HS6ST3: variants seen among roughly 807,000 people sequenced by gnomAD.
HS6ST3 encodes the protein heparan sulfate 6-O-sulfotransferase 3.
A neutral mutation model predicts 36.7 loss-of-function variants in HS6ST3; 12 were observed. That is an observed-to-expected ratio of 0.33 (90% confidence interval 0.21 to 0.53). HS6ST3 has a LOEUF of 0.53. Ranked by LOEUF, HS6ST3 falls within the 20% of genes least tolerant of loss-of-function variation. HS6ST3 has a pLI of 0.95. For missense variants in HS6ST3, 584 were observed against 640.9 expected (o/e 0.91, Z 0.96); for synonymous variants, 240 against 257.5 (o/e 0.93, Z 0.65).
At chr13:96,808,007 T>C (rs897978909) in intron 1 of HS6ST3, among the ~76,000 whole-genome samples, 1 of 152,188 alleles carries the variant, frequency 6.6e-6, no homozygotes. Context: ...CAAAAAGAAT[T>C]TCTTGTCTCA....
At chr13:96,768,758 A>G (rs1877184625) in intron 1 of HS6ST3, among the ~76,000 whole-genome samples, 2 of 152,000 alleles carry the variant, frequency 1.3e-5, no homozygotes, top group African/African-American at 4.8e-5. Flanking sequence ...ATGGAATCTA[A>G]AAGGCCATGT....
At chr13:96,259,611 A>G (rs921826467) in intron 1 of HS6ST3, among the ~76,000 whole-genome samples, 2 of 152,204 alleles carry the variant, frequency 1.3e-5, no homozygotes, top group Non-Finnish European at 2.9e-5. Context: ...TAATTTTACT[A>G]TAAAGATAGC....
At chr13:96,514,917 T>G (rs2056066098) in intron 1 of HS6ST3, among the ~76,000 whole-genome samples, 1 of 152,236 alleles carries the variant, frequency 6.6e-6, no homozygotes, top group Admixed American at 6.5e-5. Context: ...GAATAAGTAC[T>G]AATAAAGATG....
chr13:96,571,501 G>A (rs2056301012), intron 1 of HS6ST3, among the ~76,000 whole-genome samples: 2 of 152,138 alleles, frequency 1.3e-5, no homozygotes, highest in South Asian at 4.1e-4. Context: ...TCTGTGTCAG[G>A]TTCCTCTTTA....
chr13:96,108,621 C>T (rs1340787049), intron 1 of HS6ST3, among the ~76,000 whole-genome samples: 1 of 152,168 alleles, frequency 6.6e-6, no homozygotes, highest in Non-Finnish European at 1.5e-5. Flanking sequence ...TAAAATTTCT[C>T]TCTTTTGTAC....
At chr13:96,530,698 C>A (rs182085414) in intron 1 of HS6ST3, among the ~76,000 whole-genome samples, 1 of 152,084 alleles carries the variant, frequency 6.6e-6, no homozygotes, top group African/African-American at 2.4e-5. Flanking sequence ...ACTTCTGATA[C>A]GTCTTTGAAA....
chr13:96,466,140 G>A (rs1594786209), intron 1 of HS6ST3, among the ~76,000 whole-genome samples: 1 of 152,044 alleles, frequency 6.6e-6, no homozygotes, highest in African/African-American at 2.4e-5. Flanking sequence ...AATGAGCTAG[G>A]CGTGGTGGTG....
chr13:96,797,357 A>C (rs1047171156), intron 1 of HS6ST3, among the ~76,000 whole-genome samples: 4 of 152,062 alleles, frequency 2.6e-5, no homozygotes, highest in Non-Finnish European at 5.9e-5. Context: ...TCATTGCAAA[A>C]CTGGCAAGCT....
chr13:96,309,332 A>G (rs1037050041), intron 1 of HS6ST3, among the ~76,000 whole-genome samples: 3 of 152,148 alleles, frequency 2.0e-5, no homozygotes, highest in African/African-American at 7.2e-5. Context: ...AATGGTGATA[A>G]TCAACATCAA....
At chr13:96,743,305 A>T (rs925590462) in intron 1 of HS6ST3, among the ~76,000 whole-genome samples, 2 of 152,092 alleles carry the variant, frequency 1.3e-5, no homozygotes, top group Non-Finnish European at 2.9e-5. Flanking sequence ...AGTTTGAAAA[A>T]CATTGAGGGG....
intron 1 of HS6ST3, among the ~76,000 whole-genome samples, chr13:96,799,608 A>C: frequency 7.2e-6 from 1 of 138,260 alleles, no homozygotes; most frequent in South Asian, 2.7e-4. Context: ...AGGAAGGGGA[A>C]CATCACACAC....
chr13:96,166,942 G>C (rs552229003), intron 1 of HS6ST3, among the ~76,000 whole-genome samples: 2 of 152,036 alleles, frequency 1.3e-5, no homozygotes, highest in Non-Finnish European at 2.9e-5. Context: ...CTTTTGCTCA[G>C]TGCTTCTCCT....
intron 1 of HS6ST3, among the ~76,000 whole-genome samples, chr13:96,538,514 G>A (rs2056164753): frequency 6.6e-6 from 1 of 152,170 alleles, no homozygotes; most frequent in Non-Finnish European, 1.5e-5. Flanking sequence ...CACGATCTTG[G>A]CTCACTGCAA....
At chr13:96,737,738 T>TA (rs1876324132) in intron 1 of HS6ST3, among the ~76,000 whole-genome samples, 1 of 152,004 alleles carries the variant, frequency 6.6e-6, no homozygotes, top group Non-Finnish European at 1.5e-5. Flanking sequence ...TCAGATTATG[T>TA]AAAAACTAAG....
At chr13:96,563,404 T>C (rs1437362878) in intron 1 of HS6ST3, among the ~76,000 whole-genome samples, 1 of 152,206 alleles carries the variant, frequency 6.6e-6, no homozygotes, top group Non-Finnish European at 1.5e-5. Flanking sequence ...AGGATTTGTT[T>C]TTCTTGGACA....
intron 1 of HS6ST3, among the ~76,000 whole-genome samples, chr13:96,322,625 A>G (rs1444378972): frequency 1.3e-5 from 2 of 152,190 alleles, no homozygotes; most frequent in African/African-American, 2.4e-5. Context: ...TTTTTCTCCT[A>G]TGAAAAGAAA....
intron 1 of HS6ST3, among the ~76,000 whole-genome samples, chr13:96,503,354 T>G (rs1426775625): frequency 6.6e-6 from 1 of 152,206 alleles, no homozygotes; most frequent in Non-Finnish European, 1.5e-5. Flanking sequence ...GGGCAGTGTC[T>G]GTACTGGCCT....
chr13:96,808,267 C>G (rs760136487), intron 1 of HS6ST3, among the ~76,000 whole-genome samples: 4 of 152,210 alleles, frequency 2.6e-5, no homozygotes, highest in Non-Finnish European at 5.9e-5. Context: ...CTTCCAGCCA[C>G]TAGTAGGATT....
At chr13:96,437,479 C>T (rs147834599) in intron 1 of HS6ST3, among the ~76,000 whole-genome samples, 55 of 152,318 alleles carry the variant, frequency 3.6e-4, no homozygotes, top group African/African-American at 1.3e-3. Context: ...CAGTCTCCTC[C>T]CCACCTTTCT....
Sources: allele counts gnomAD v4.1 joint callset (sites outside exome capture counted in the v4.1 genomes callset), GRCh38; gene constraint gnomAD v4.1.1; transcripts MANE v1.5; gene names NCBI Gene and HGNC (gene_info 2026-07-23, HGNC 2026-07-21).